LAMA3: variants seen among roughly 807,000 people sequenced by gnomAD.
LAMA3 encodes the protein laminin subunit alpha 3.
LAMA3 carries 281 observed loss-of-function variants against 402.0 expected under a neutral mutation model. That is an observed-to-expected ratio of 0.70 (90% CI 0.63 to 0.77). The LOEUF (loss-of-function observed/expected upper bound fraction) is 0.77. LAMA3 is among the 30% of genes least tolerant of loss of function. The pLI, the probability that LAMA3 is intolerant of heterozygous loss-of-function variation, is 0.00. For synonymous variants in LAMA3, 1,431 were observed against 1,558.4 expected (o/e 0.92, Z 1.93); for missense variants, 3,840 against 4,215.5 (o/e 0.91, Z 2.47).
Position 23,954,951 on chromosome 18 carries a change from T to C in LAMA3, c.*303T>C. On this transcript the variant is annotated 3_prime_UTR_variant, in exon 75 of 75. Coordinates refer to ENST00000313654, the MANE Select transcript of LAMA3 (RefSeq NM_198129.4). ...ATTAAATGTCTTTTAAGAAACATTC[T>C]TTTCCACTTGTTAAAAAAATTAAAT... 1 of 355,142 alleles carries C rather than the reference T, an allele frequency of 2.8e-6. No homozygotes were observed. Among genetic ancestry groups the C allele is most frequent in the Non-Finnish European group, 5.2e-6 (1 of 191,224 alleles). 22.0% of individuals were successfully genotyped at this position (355,142 alleles called of 1,614,324 possible).
At chr18:23,814,215 A>C (rs2063132577) in intron 14 of LAMA3, among the ~76,000 whole-genome samples, 188 bp from the exon 15 acceptor site, 1 of 152,262 alleles carries the variant, frequency 6.6e-6, no homozygotes, top group Non-Finnish European at 1.5e-5. Flanking sequence ...ATAACAAATA[A>C]ATGAATAAAA....
At chr18:23,753,431 G>A (rs2061787448) in intron 5 of LAMA3, among the ~76,000 whole-genome samples, 2 of 152,202 alleles carry the variant, frequency 1.3e-5, no homozygotes, top group African/African-American at 4.8e-5. Flanking sequence ...AAACTTGGAA[G>A]TAATTGATCC....
intron 1 of LAMA3, among the ~76,000 whole-genome samples, chr18:23,692,080 G>A (rs1157477658): frequency 2.0e-5 from 3 of 152,164 alleles, no homozygotes; most frequent in Non-Finnish European, 2.9e-5. Context: ...GGGGCCCTTC[G>A]AAGTGAGAGG....
At chr18:23,826,081 T>A (rs918280935) in intron 21 of LAMA3, among the ~76,000 whole-genome samples, 2 of 152,246 alleles carry the variant, frequency 1.3e-5, no homozygotes, top group South Asian at 2.1e-4. Flanking sequence ...TATGTGCTGC[T>A]GTCAGGACGG....
At chr18:23,829,349 G>A (rs2144486586) in intron 23 of LAMA3, among the ~76,000 whole-genome samples, 1 of 152,220 alleles carries the variant, frequency 6.6e-6, no homozygotes, top group Admixed American at 6.5e-5. Context: ...CAATTTATGT[G>A]TTTTGAATTT....
At chr18:23,724,854 C>G (rs1270759172) in intron 2 of LAMA3, among the ~76,000 whole-genome samples, 3 of 152,178 alleles carry the variant, frequency 2.0e-5, no homozygotes, top group Non-Finnish European at 4.4e-5. Flanking sequence ...TCTTCTCTGC[C>G]TGCTGTCCTC....
At position 23,888,107 on chromosome 18, in the gene LAMA3, C is replaced by T. The variant is rs181590461; in HGVS notation, c.5304-1904C>T. On this transcript the variant is annotated intron_variant, in intron 41 of 74. Transcript: ENST00000313654. ...ATCAAAAATAAAGTATTCTAGAACACAGAGCTTCTGCATAACATGATCTGT... is the reference window on the plus strand; with the variant it reads ...ATCAAAAATAAAGTATTCTAGAACATAGAGCTTCTGCATAACATGATCTGT... 1.1e-4 allele frequency among the ~76,000 whole-genome samples: 17 copies of T among 152,294 alleles called. No individual in the cohort carries two copies. In the East Asian group the frequency reaches 2.3e-3, roughly 21 times the overall value.
chr18:23,733,706 T>G (rs1457534906), intron 2 of LAMA3, among the ~76,000 whole-genome samples: 2 of 152,182 alleles, frequency 1.3e-5, no homozygotes, highest in Non-Finnish European at 2.9e-5. Flanking sequence ...TGACCAGTTA[T>G]CCCAGTTTGC....
rs1331682039 is a variant in LAMA3, at chr18:23,824,585, G to A, written c.2571+20G>A. ...CTTCTGGTAAGACTTAGTTCTGAAT[G>A]GAGAGCTCCTGCGGGATTCTTCCTA... is the stretch of plus-strand genomic sequence containing the variant. On this transcript the variant is annotated intron_variant, in intron 21 of 74. Coordinates refer to ENST00000313654, the MANE Select transcript of LAMA3 (RefSeq NM_198129.4). 1.2e-6 allele frequency: 2 copies of A among 1,613,272 alleles called. No homozygotes were observed. The highest frequency in any genetic ancestry group is 2.2e-5 in the South Asian group (2 of 91,048).
At chr18:23,753,943 G>GT in intron 6 of LAMA3, 131 bp downstream of exon 6, 1 of 721,570 alleles carries the variant, frequency 1.4e-6, no homozygotes, top group Non-Finnish European at 2.5e-6. Flanking sequence ...CAATGAATAG[G>GT]TGGGGGGTGT....
At chr18:23,827,814 C>T (rs774835138) in intron 23 of LAMA3, among the ~76,000 whole-genome samples, 9 of 152,124 alleles carry the variant, frequency 5.9e-5, no homozygotes, top group Non-Finnish European at 1.3e-4. Flanking sequence ...ATCTAGTAAG[C>T]GTCCAGAAAT....
intron 11 of LAMA3, chr18:23,781,172 A>G: frequency 2.7e-6 from 1 of 368,014 alleles, no homozygotes; most frequent in Non-Finnish European, 5.5e-6. Flanking sequence ...ACTGAATCTC[A>G]ATACTTCGTT....
chr18:23,801,356 G>A (rs2062862652), intron 12 of LAMA3, among the ~76,000 whole-genome samples: 1 of 152,072 alleles, frequency 6.6e-6, no homozygotes, highest in Non-Finnish European at 1.5e-5. Context: ...ACTATGCTCA[G>A]TACCTGGGCG....
chr18:23,909,393 G>T, intron 55 of LAMA3, 98 bp downstream of exon 55: 3 of 1,180,570 alleles, frequency 2.5e-6, no homozygotes, highest in Non-Finnish European at 3.7e-6. Context: ...CTCAAGAATT[G>T]GTTGTCTTTC....
chr18:23,777,751 T>C, intron 11 of LAMA3, 132 bp downstream of exon 11: 1 of 755,952 alleles, frequency 1.3e-6, no homozygotes, highest in Non-Finnish European at 2.4e-6. Flanking sequence ...CTTGCAGGTG[T>C]CTCCTAGTTG....
intron 70 of LAMA3, among the ~76,000 whole-genome samples, chr18:23,947,307 C>G (rs555021829): frequency 6.6e-6 from 1 of 152,152 alleles, no homozygotes; most frequent in Non-Finnish European, 1.5e-5. Context: ...CCCCCCACCC[C>G]ACAAAGTTAA....
At chr18:23,873,014 C>A (rs373399357) in intron 38 of LAMA3, 20 of 1,613,758 alleles carry the variant, frequency 1.2e-5, no homozygotes, top group Non-Finnish European at 1.7e-5. Context: ...GCAGAGGTTC[C>A]TGCGCAGCCA....
chr18:23,889,877 T>G, intron 41 of LAMA3, 134 bp from the exon 42 acceptor site: 1 of 770,468 alleles, frequency 1.3e-6, no homozygotes, highest in Non-Finnish European at 2.4e-6. Context: ...GAAATATTCA[T>G]TCTTGCAGAT....
intron 22 of LAMA3, 80 bp downstream of exon 22, chr18:23,826,879 G>C: frequency 1.2e-6 from 1 of 808,206 alleles, no homozygotes; most frequent in Non-Finnish European, 2.1e-6. Flanking sequence ...TTCATGAGGT[G>C]TCTCAGGATC....
Sources: gnomAD v4.1 joint callset for allele counts (sites outside exome capture counted in the v4.1 genomes callset) on GRCh38, gnomAD v4.1.1 for gene constraint, MANE v1.5 for transcripts, NCBI Gene and HGNC (gene_info 2026-07-23, HGNC 2026-07-21) for gene names.